Variants in RMDN1 observed in about 807,000 individuals in gnomAD.
RMDN1 encodes the protein regulator of microtubule dynamics 1, also known as regulator of microtubule dynamics protein 1.
RMDN1 carries 48 observed loss-of-function variants against 48.9 expected under a neutral mutation model. That is an observed-to-expected ratio of 0.98 (90% CI 0.78 to 1.25). RMDN1 has a LOEUF of 1.25. RMDN1 is among the 50% of genes most tolerant of loss of function. The pLI is 0.00. For missense variants in RMDN1, 418 were observed against 373.4 expected, an observed-to-expected ratio of 1.12 and a Z score of -0.98; for synonymous variants, 148 against 132.6, an observed-to-expected ratio of 1.12 and a Z score of -0.80.
downstream of RMDN1, among the ~76,000 whole-genome samples, chr8:86,471,185 T>C (rs1313569575): frequency 6.6e-6 from 1 of 151,844 alleles, no homozygotes; most frequent in South Asian, 2.1e-4. Flanking sequence ...TCTATGATTT[T>C]TTGAAAGTAA....
At chr8:86,501,102 C>A (rs372839583) in intron 2 of RMDN1, among the ~76,000 whole-genome samples, 2 of 152,112 alleles carry the variant, frequency 1.3e-5, no homozygotes, top group Non-Finnish European at 2.9e-5. Context: ...GGGTACAATG[C>A]TCACTACCTG....
intron 2 of RMDN1, among the ~76,000 whole-genome samples, chr8:86,503,336 A>C (rs147433643): frequency 0.022 from 3,330 of 150,386 alleles, 42 homozygotes; most frequent in South Asian, 0.042. Flanking sequence ...TGAGCAATAG[A>C]GCAAGACTCC....
chr8:86,480,287 T>C lies in RMDN1; in HGVS notation c.631A>G (p.Met211Val), dbSNP rs1814141320. ...NPKDATSIHL[M>V]GIWCYTFAEM... ...AAGAAATTTTCTTACCAAATACCCATAAGGTGAATTGAAGTAGCATCTTTA... is the reference window on the plus strand; with the variant it reads ...AAGAAATTTTCTTACCAAATACCCACAAGGTGAATTGAAGTAGCATCTTTA... The change falls in exon 6 of 10, where the codon ATG (methionine) becomes GTG (valine). Residue 211 changes from methionine (M) to valine (V), a missense_variant. By Grantham distance (21) the Met-to-Val change is conservative. Transcript: ENST00000406452. 1 of 1,534,052 alleles carries C rather than the reference T, an allele frequency of 6.5e-7. No homozygotes were observed. Among genetic ancestry groups the C allele is most frequent in the Non-Finnish European group, 8.9e-7 (1 of 1,125,382 alleles).
intron 2 of RMDN1, among the ~76,000 whole-genome samples, chr8:86,498,501 G>A (rs756050476): frequency 6.6e-6 from 1 of 151,978 alleles, no homozygotes; most frequent in African/African-American, 2.4e-5. Context: ...CAGATGGGCT[G>A]GGCATGGTGG....
intron 2 of RMDN1, among the ~76,000 whole-genome samples, chr8:86,499,071 A>G (rs1050761404): frequency 6.6e-6 from 1 of 152,212 alleles, no homozygotes; most frequent in South Asian, 2.1e-4. Flanking sequence ...AACGCACCTC[A>G]AAATAATAAG....
At chr8:86,496,912 A>T (rs1817466258) in intron 2 of RMDN1, among the ~76,000 whole-genome samples, 1 of 144,462 alleles carries the variant, frequency 6.9e-6, no homozygotes, top group South Asian at 2.1e-4. Flanking sequence ...TGAACAAAAT[A>T]AAAAAAAAAA....
chr8:86,492,089 G>A lies in RMDN1; in HGVS notation c.248-3450C>T, dbSNP rs374416042. ...AAATAACTACATACAAAGGAACACT[G>A]ATCTCAGTTCTGTAGGTTCATCAAT... is the stretch of plus-strand genomic sequence containing the variant. On this transcript the variant is annotated intron_variant, in intron 2 of 9. Transcript: ENST00000406452. 5.3e-5 allele frequency among the ~76,000 whole-genome samples: 8 copies of A among 152,220 alleles called. 1 individual carries two copies. Among genetic ancestry groups the A allele is most frequent in the East Asian group, 3.9e-4 (2 of 5,184 alleles).
At chr8:86,501,717 T>C (rs1292754413) in intron 2 of RMDN1, among the ~76,000 whole-genome samples, 1 of 145,696 alleles carries the variant, frequency 6.9e-6, no homozygotes, top group Non-Finnish European at 1.5e-5. Flanking sequence ...GACTTTCAAG[T>C]TTAACTCTGT....
chr8:86,470,633 A>C (rs913776617), downstream of RMDN1, among the ~76,000 whole-genome samples: 1 of 152,216 alleles, frequency 6.6e-6, no homozygotes, highest in African/African-American at 2.4e-5. Flanking sequence ...ATAGCTAAAA[A>C]TCAGGAATAA....
intron 8 of RMDN1, 193 bp from the exon 9 acceptor site, chr8:86,475,146 A>T (rs1813156351): frequency 2.0e-6 from 1 of 507,956 alleles, no homozygotes; most frequent in Non-Finnish European, 3.4e-6. Context: ...ATGAATAAAC[A>T]TCTACAAATG....
chr8:86,495,164 A>C (rs1384367764), intron 2 of RMDN1, among the ~76,000 whole-genome samples: 2 of 152,098 alleles, frequency 1.3e-5, no homozygotes, highest in African/African-American at 4.8e-5. Flanking sequence ...GAGAGTGGAT[A>C]TGGGGAGGAC....
At chr8:86,511,111 C>T (rs1820027609), upstream of RMDN1, among the ~76,000 whole-genome samples, 3 of 151,588 alleles carry the variant, frequency 2.0e-5, no homozygotes, top group Admixed American at 6.6e-5. Context: ...TTGCAGGGAG[C>T]GGTGATCACA....
intron 5 of RMDN1, 25 bp from the exon 6 acceptor site, chr8:86,480,357 TC>T: frequency 4.4e-6 from 6 of 1,366,042 alleles, no homozygotes; most frequent in Non-Finnish European, 5.0e-6. Context: ...GAAAAATAAA[TC>T]ATATTTGTTT....
chr8:86,496,175 A>C (rs1817310538), intron 2 of RMDN1, among the ~76,000 whole-genome samples: 1 of 152,242 alleles, frequency 6.6e-6, no homozygotes, highest in Non-Finnish European at 1.5e-5. Flanking sequence ...GAAATGAAAG[A>C]CCAATACTTG....
chr8:86,508,587 GCAGAAGGCGCCACAGTCGAGCAGC>G lies in RMDN1; in HGVS notation c.10_33del (p.Ala4_Leu11del). The G allele has an allele frequency of 6.2e-7, 1 of 1,605,172 alleles. No homozygotes were observed. Among genetic ancestry groups the G allele is most frequent in the Non-Finnish European group, 8.5e-7 (1 of 1,177,236 alleles). ...CCCGGGGCGGCTCCACGTCGGAAAG[GCAGAAGGCGCCACAGTCGAGCAGC>G]CAGCGCCATGACCTGCAACTTGCGG... is the stretch of plus-strand genomic sequence containing the variant. On this transcript the variant is annotated inframe_deletion, in exon 1 of 10. Transcript: ENST00000406452.
At chr8:86,496,656 A>T (rs1327048107) in intron 2 of RMDN1, among the ~76,000 whole-genome samples, 2 of 152,196 alleles carry the variant, frequency 1.3e-5, no homozygotes, top group African/African-American at 4.8e-5. Context: ...GTTCTTAGAG[A>T]CCTACAAAGA....
In RMDN1 at chr8:86,477,280, C is replaced by A. The variant is rs750060915; in HGVS notation, c.760+14G>T. 27 of 1,587,680 alleles carry A rather than the reference C, an allele frequency of 1.7e-5. No individual in the cohort carries two copies. In the Admixed American group the frequency reaches 3.0e-4, roughly 17 times the overall value. On this transcript the variant is annotated intron_variant, in intron 8 of 9. Coordinates refer to ENST00000406452, the MANE Select transcript of RMDN1 (RefSeq NM_016033.3). ...TTTTAACTATATTAATATGTGTAAT[C>A]AAAAATACCTTACCTTGTTCTGCCC...
At chr8:86,513,791 A>G (rs2131403049) in intron 1 of RMDN1, among the ~76,000 whole-genome samples, 1 of 152,356 alleles carries the variant, frequency 6.6e-6, no homozygotes, top group Middle Eastern at 3.4e-3. Context: ...AAATAAGCAT[A>G]TAAGCATGGT....
intron 5 of RMDN1, chr8:86,482,970 C>T: frequency 6.9e-6 from 5 of 729,658 alleles, no homozygotes; most frequent in South Asian, 3.0e-5. Flanking sequence ...ACTGTGGCAG[C>T]CGCACTCGCT....
Sources: gnomAD v4.1 joint callset for allele counts (sites outside exome capture counted in the v4.1 genomes callset) on GRCh38, gnomAD v4.1.1 for gene constraint, MANE v1.5 for transcripts, NCBI Gene and HGNC (gene_info 2026-07-23, HGNC 2026-07-21) for gene names.